Variants in SENP5 observed in about 807,000 individuals in gnomAD.
The protein encoded by SENP5 is SUMO specific peptidase 5, also known as sentrin-specific protease 5.
In SENP5, 21 loss-of-function variants were observed where a neutral mutation model predicts 74.2. The ratio of observed to expected loss-of-function variants is 0.28; its 90% CI spans 0.20 to 0.41. The LOEUF (loss-of-function observed/expected upper bound fraction) is 0.41. Ranked by LOEUF, SENP5 falls within the 10% of genes least tolerant of loss-of-function variation. SENP5 has a pLI of 1.00. For synonymous variants in SENP5, 311 were observed against 312.7 expected, an observed-to-expected ratio of 0.99 and a Z score of 0.06; for missense variants, 717 against 889.1, an observed-to-expected ratio of 0.81 and a Z score of 2.46.
At position 196,912,401 on chromosome 3, in the gene SENP5, A is replaced by G. The variant is rs929967732; in HGVS notation, c.1884+8791A>G. ...ACACATGGACATAGGGAGGGGAACA[A>G]CATACACCGGGGCCTGTCAGGGGGT... On this transcript the variant is annotated intron_variant, in intron 6 of 9. Coordinates refer to ENST00000323460, the MANE Select transcript of SENP5 (RefSeq NM_152699.5). Among the ~76,000 whole-genome samples the G allele has an allele frequency of 2.6e-5, 4 of 152,118 alleles. 1 individual carries two copies. The highest frequency in any genetic ancestry group is 4.1e-4 in the South Asian group (2 of 4,830).
chr3:196,905,325 T>A (rs771262976), intron 6 of SENP5: 4 of 152,262 alleles, frequency 2.6e-5, no homozygotes, highest in Non-Finnish European at 4.4e-5. Flanking sequence ...CAAGCAGTTC[T>A]GCAGCGACCA....
intron 6 of SENP5, among the ~76,000 whole-genome samples, chr3:196,922,481 A>T (rs1577845537): frequency 9.9e-6 from 1 of 101,478 alleles, no homozygotes. Flanking sequence ...TCAGGGTCTC[A>T]CTCCGTCGCC....
chr3:196,871,718 G>T (rs1713223306), intron 1 of SENP5, among the ~76,000 whole-genome samples: 1 of 151,950 alleles, frequency 6.6e-6, no homozygotes, highest in Non-Finnish European at 1.5e-5. Context: ...AGCTGGGCAT[G>T]GTGGCACACA....
intron 7 of SENP5, among the ~76,000 whole-genome samples, chr3:196,923,803 A>C (rs576694196): frequency 3.3e-5 from 5 of 152,330 alleles, no homozygotes; most frequent in Non-Finnish European, 7.3e-5. Context: ...CTACATCTTG[A>C]ATGTGGTTAG....
rs188994320 is a variant in SENP5 at position 196,895,811 on chromosome 3, C to T, written c.1514-3855C>T. 2.6e-4 allele frequency among the ~76,000 whole-genome samples: 40 copies of T among 152,272 alleles called. No individual in the cohort carries two copies. In the East Asian group the frequency reaches 7.3e-3, roughly 28 times the overall value. On this transcript the variant is annotated intron_variant, in intron 2 of 9. Coordinates refer to ENST00000323460, the MANE Select transcript of SENP5 (RefSeq NM_152699.5). ...TGTTAGGATTACAGGCATGAGCCAC[C>T]GTGCCTGGCCGGGTACTTTAAATTC...
At chr3:196,882,622 G>A (rs1713775368) in intron 1 of SENP5, among the ~76,000 whole-genome samples, 2 of 152,134 alleles carry the variant, frequency 1.3e-5, no homozygotes, top group Admixed American at 1.3e-4. Context: ...CTGTGCCTCA[G>A]CCTCCCAAGT....
chr3:196,870,097 C>T (rs1173752039), intron 1 of SENP5, among the ~76,000 whole-genome samples: 1 of 152,094 alleles, frequency 6.6e-6, no homozygotes, highest in African/African-American at 2.4e-5. Context: ...TGAAGTAGAT[C>T]ACCTTGGCAT....
intron 7 of SENP5, among the ~76,000 whole-genome samples, chr3:196,925,043 A>G (rs933144678): frequency 6.6e-6 from 1 of 152,212 alleles, no homozygotes; most frequent in Non-Finnish European, 1.5e-5. Flanking sequence ...GTAGACACAT[A>G]TATACATACA....
intron 1 of SENP5, among the ~76,000 whole-genome samples, chr3:196,873,315 C>T (rs971461005): frequency 5.9e-5 from 9 of 151,662 alleles, no homozygotes; most frequent in East Asian, 5.9e-4. Flanking sequence ...TCAGGTGATT[C>T]GCCTGCCTCG....
intron 2 of SENP5, among the ~76,000 whole-genome samples, chr3:196,890,122 C>T (rs1393321997): frequency 6.6e-6 from 1 of 152,132 alleles, no homozygotes; most frequent in East Asian, 1.9e-4. Context: ...CAGCTACTGC[C>T]CATTATAGCC....
chr3:196,870,643 A>G (rs1713173634), intron 1 of SENP5, among the ~76,000 whole-genome samples: 1 of 151,714 alleles, frequency 6.6e-6, no homozygotes, highest in Non-Finnish European at 1.5e-5. Flanking sequence ...TCAGCCTCCC[A>G]AGTAGCTGGG....
At chr3:196,912,615 G>A (rs763900021) in intron 6 of SENP5, 2 of 151,860 alleles carry the variant, frequency 1.3e-5, no homozygotes, top group Admixed American at 1.3e-4. Flanking sequence ...AACCACCACG[G>A]CACATGTATA....
chr3:196,910,335 CTTTTTTTTT>C (rs869108574), intron 6 of SENP5, among the ~76,000 whole-genome samples: 2 of 51,370 alleles, frequency 3.9e-5, no homozygotes, highest in South Asian at 1.2e-3. Flanking sequence ...CCAAAGTAAT[CTTTTTTTTT>C]TTTTTTTTTT....
rs139515135 is a variant in SENP5, at chr3:196,913,591, T to C, written c.1885-9823T>C. 2.5e-3 allele frequency among the ~76,000 whole-genome samples: 351 copies of C among 141,742 alleles called. 2 individuals are homozygous for C. The highest frequency in any genetic ancestry group is 8.4e-3 in the African/African-American group (327 of 38,954). 93.0% of individuals were successfully genotyped at this position (141,742 alleles called of 152,430 possible). On this transcript the variant is annotated intron_variant, in intron 6 of 9. Coordinates refer to ENST00000323460, the MANE Select transcript of SENP5 (RefSeq NM_152699.5). ...CTCAAAAAAAAAAAACAAAAAAAAC[T>C]AGTAAGACCCTGAACTCAGTAGAAG...
At chr3:196,882,816 T>C (rs150421199) in intron 1 of SENP5, among the ~76,000 whole-genome samples, 22 of 152,328 alleles carry the variant, frequency 1.4e-4, no homozygotes, top group Middle Eastern at 3.4e-3. Context: ...TCTAGTTGTT[T>C]TTAATAATGA....
rs1713919734 is a variant in SENP5, at chr3:196,885,522, T to TC, written c.343dup (p.Gln115ProfsTer13). The TC allele has an allele frequency of 1.2e-6, 2 of 1,614,114 alleles. No individual in the cohort carries two copies. Among genetic ancestry groups the TC allele is most frequent in the Non-Finnish European group, 1.7e-6 (2 of 1,180,034 alleles). On this transcript the variant is annotated frameshift_variant, in exon 2 of 10. Coordinates refer to ENST00000323460, the MANE Select transcript of SENP5 (RefSeq NM_152699.5). LOFTEE classifies it high-confidence loss of function. ...TCCTCCTCAAAGACTCTCCTGAGAC[T>TC]CCAAGCAGAGAAGCTGTTGTCATCA...
chr3:196,906,220 A>G (rs1408837687), intron 6 of SENP5, among the ~76,000 whole-genome samples: 1 of 152,072 alleles, frequency 6.6e-6, no homozygotes, highest in Non-Finnish European at 1.5e-5. Flanking sequence ...ACTTTCTAAA[A>G]AAAAAGAAAA....
In SENP5 at chr3:196,898,038, C is replaced by T. The variant is rs527539578; in HGVS notation, c.1514-1628C>T. On this transcript the variant is annotated intron_variant, in intron 2 of 9. Transcript: ENST00000323460. ...AAAAAAAATACAAAAATTAGCTGGGCGTGGTGGCGGGCGCCTGTAATCCCA... is the reference window on the plus strand; with the variant it reads ...AAAAAAAATACAAAAATTAGCTGGGTGTGGTGGCGGGCGCCTGTAATCCCA... 2.9e-3 allele frequency among the ~76,000 whole-genome samples: 433 copies of T among 151,076 alleles called. 4 individuals carry two copies. The highest frequency in any genetic ancestry group is 0.01 in the African/African-American group (417 of 41,128).
At chr3:196,906,134 C>A (rs1232557267) in intron 6 of SENP5, among the ~76,000 whole-genome samples, 2 of 151,958 alleles carry the variant, frequency 1.3e-5, no homozygotes, top group East Asian at 3.9e-4. Context: ...ACAGGAGAAT[C>A]GTTTGAACCC....
Sources: allele counts gnomAD v4.1 joint callset (sites outside exome capture counted in the v4.1 genomes callset), GRCh38; gene constraint gnomAD v4.1.1; transcripts MANE v1.5; gene names NCBI Gene and HGNC (gene_info 2026-07-23, HGNC 2026-07-21).